Variants in LILRA2 observed in about 807,000 individuals in gnomAD.
LILRA2 encodes leukocyte immunoglobulin-like receptor subfamily A member 2.
LILRA2 carries 45 observed loss-of-function variants against 47.9 expected under a neutral mutation model. The observed-to-expected ratio is 0.94, with a 90% CI of 0.74 to 1.20. The LOEUF (loss-of-function observed/expected upper bound fraction) is 1.20, where lower values mean the gene tolerates loss of function less well. LILRA2 is among the 50% of genes most tolerant of loss of function. The pLI is 0.00. For synonymous variants in LILRA2, 279 were observed against 249.2 expected (o/e 1.12, Z -1.13); for missense variants, 651 against 598.2 (o/e 1.09, Z -0.92).
At position 54,590,058 on chromosome 19, in the gene LILRA2, A is replaced by C. The variant is rs2062900458; in HGVS notation, c.*2712A>C. The C allele has an allele frequency of 6.6e-6, 1 of 151,836 alleles. No individual in the cohort carries two copies. Among genetic ancestry groups the C allele is most frequent in the Non-Finnish European group, 1.5e-5 (1 of 67,972 alleles). 9.4% of individuals were successfully genotyped at this position (151,836 alleles called of 1,614,324 possible). A position where few individuals can be genotyped will look rare whatever the true frequency, so the allele number is the denominator to read the frequency against. ...TAATGTTATTTATGAATTTGTGCAC[A>C]TTAAACTCATGATCTTTCATTTCTG... On this transcript the variant is annotated 3_prime_UTR_variant, in exon 8 of 8. Transcript: ENST00000391738.
rs780282806 is a variant in LILRA2 at position 54,574,374 on chromosome 19, G to A, written c.144G>A (p.Arg48=). 6 of 1,614,102 alleles carry A rather than the reference G, an allele frequency of 3.7e-6. No individual in the cohort carries two copies. In the African/African-American group the frequency reaches 8.0e-5, roughly 22 times the overall value. ...TCCAGGGAAGTCCTGTGACCCTCAG[G>A]TGTCAGGGGAGCCTTCAGGCTGAGG... is the stretch of plus-strand genomic sequence containing the variant. ...VIIQGSPVTL[R]CQGSLQAEEY... The change falls in exon 3 of 8, where the codon AGG becomes AGA. Residue 48 remains arginine (R), a synonymous_variant. Transcript: ENST00000391738.
chr19:54,574,009 A>G, intron 1 of LILRA2, 67 bp from the exon 2 acceptor site: 2 of 1,613,406 alleles, frequency 1.2e-6, no homozygotes, highest in South Asian at 1.1e-5. Flanking sequence ...GCTCACAAAG[A>G]TCCCAGGGAG....
chr19:54,584,082 G>A (rs1488882307), intron 6 of LILRA2, among the ~76,000 whole-genome samples: 2 of 152,194 alleles, frequency 1.3e-5, no homozygotes, highest in Non-Finnish European at 2.9e-5. Flanking sequence ...TTTTCTTTAA[G>A]AATGTTGAAT....
At chr19:54,577,469 C>G in intron 6 of LILRA2, 1 of 1,283,388 alleles carries the variant, frequency 7.8e-7, no homozygotes, top group Non-Finnish European at 1.0e-6. Flanking sequence ...TCCAAGAGCC[C>G]CTGAGTATAA....
upstream of LILRA2, chr19:54,573,651 A>T (rs28384501): frequency 0.66 from 560,466 of 843,350 alleles, 177,488 homozygotes; most frequent in African/African-American, 0.82. Flanking sequence ...AGACCCCATT[A>T]CAGTCTGAAA....
chr19:54,575,366 T>C lies in LILRA2; in HGVS notation c.766T>C (p.Tyr256His). The part of the protein sequence containing the change: ...SDVGYDRFVL[Y>H]KEGERDFLQR... ...TGTCGGCTACGACAGATTTGTTCTGTATAAGGAGGGAGAACGTGACTTCCT... is the reference window on the plus strand; with the variant it reads ...TGTCGGCTACGACAGATTTGTTCTGCATAAGGAGGGAGAACGTGACTTCCT... Residue 256 changes from tyrosine (Y) to histidine (H), a missense_variant, in exon 5 of 8, where the codon TAT becomes CAT. Coordinates refer to ENST00000391738, the MANE Select transcript of LILRA2 (RefSeq NM_001130917.3). 1.2e-6 allele frequency: 2 copies of C among 1,614,076 alleles called. No individual in the cohort carries two copies. Among genetic ancestry groups the C allele is most frequent in the Non-Finnish European group, 8.5e-7 (1 of 1,179,982 alleles).
chr19:54,577,017 T>C (rs769827803), intron 6 of LILRA2, among the ~76,000 whole-genome samples: 10 of 151,486 alleles, frequency 6.6e-5, no homozygotes, highest in Non-Finnish European at 1.5e-4. Flanking sequence ...CAGCCCTCTC[T>C]GGCCCTCTCC....
At position 54,587,333 on chromosome 19, in the gene LILRA2, C is replaced by A. The variant is rs768613788; in HGVS notation, c.1439C>A (p.Ala480Glu). 1.6e-5 allele frequency: 26 copies of A among 1,614,052 alleles called. No homozygotes were observed. The highest frequency in any genetic ancestry group is 2.1e-5 in the Non-Finnish European group (25 of 1,180,036). ...CACAGCCAGAGAAGCCTACAAGATG[C>A]AGCCGGGAGGTGAACAGCAGAGAGG... ...AQHSQRSLQD[A>E]AGR Residue 480 changes from alanine to glutamate, a missense_variant, in exon 8 of 8, where the codon GCA (alanine) becomes GAA (glutamate). Physicochemically the swap from Ala to Glu is moderately radical, Grantham distance 107. Transcript: ENST00000391738.
At chr19:54,576,544 T>C (rs1351999408) in intron 6 of LILRA2, among the ~76,000 whole-genome samples, 1 of 152,296 alleles carries the variant, frequency 6.6e-6, no homozygotes, top group Non-Finnish European at 1.5e-5. Flanking sequence ...ATTCAGGGTC[T>C]GATTTCCAGG....
Position 54,584,819 on chromosome 19 carries a change from G to A in LILRA2, c.1256-2191G>A, listed in dbSNP as rs779845300. ...CTTCATCCAGTCTTGTTCTGTTGCC[G>A]GTGAGGAGCTGCGATCCTTTGGAAG... On this transcript the variant is annotated intron_variant, in intron 6 of 7. Coordinates refer to ENST00000391738, the MANE Select transcript of LILRA2 (RefSeq NM_001130917.3). 5.3e-5 allele frequency among the ~76,000 whole-genome samples: 8 copies of A among 152,132 alleles called. No homozygotes were observed. The East Asian group carries it at 9.6e-4, about 18-fold the overall frequency.
chr19:54,575,246 C>G lies in LILRA2; in HGVS notation c.656-10C>G, dbSNP rs747493077. 6.2e-7 allele frequency: 1 copy of G among 1,602,296 alleles called. No individual in the cohort carries two copies. The highest frequency in any genetic ancestry group is 2.2e-5 in the East Asian group (1 of 44,616). The stretch of plus-strand genomic sequence containing the variant: ...GTCGGCTCCTGGAAACCATGAACAC[C>G]TTTTCCCAGGTGTTTCTAAGAAGCC... On this transcript the variant is annotated splice_polypyrimidine_tract_variant and intron_variant, in intron 4 of 7. Transcript: ENST00000391738.
intron 6 of LILRA2, among the ~76,000 whole-genome samples, chr19:54,579,808 T>C (rs577194549): frequency 2.6e-5 from 4 of 152,312 alleles, no homozygotes; most frequent in African/African-American, 9.6e-5. Flanking sequence ...GTAGTTCTCT[T>C]TGAAGAGGTC....
Position 54,574,933 on chromosome 19 carries a change from G to A in LILRA2, c.555G>A (p.Val185=), listed in dbSNP as rs749885856. Residue 185 remains valine (V), a synonymous_variant, in exon 4 of 8, where the codon GTG becomes GTA. Transcript: ENST00000391738. ...GGGCCATCTTCTCCGTGGGCCCCGT[G>A]AGCCCGAGTCGCAGGTGGTCGTACA... ...WSWAIFSVGP[V]SPSRRWSYRC... The A allele has an allele frequency of 2.0e-5, 33 of 1,614,166 alleles. No homozygotes were observed. Among genetic ancestry groups the A allele is most frequent in the Non-Finnish European group, 2.6e-5 (31 of 1,180,050 alleles).
upstream of LILRA2, chr19:54,573,208 C>T (rs540480487): frequency 2.3e-6 from 1 of 427,886 alleles, no homozygotes; most frequent in Non-Finnish European, 4.3e-6. Context: ...TAATCTGAAG[C>T]TCCTGGCCTC....
rs150302738 is a variant in LILRA2 at position 54,574,495 on chromosome 19, T to G, written c.265T>G (p.Trp89Gly). ...CCAGTTCCCCATCCCATCCATCACCTGGGAACACGCAGGGCGGTATCACTG... is the reference window on the plus strand; with the variant it reads ...CCAGTTCCCCATCCCATCCATCACCGGGGAACACGCAGGGCGGTATCACTG... ...NGQFPIPSIT[W>G]EHAGRYHCQY... Residue 89 changes from tryptophan to glycine, a missense_variant, in exon 3 of 8, where the codon TGG becomes GGG. By Grantham distance (184) the Trp-to-Gly change is radical (BLOSUM62 -2). Coordinates refer to ENST00000391738, the MANE Select transcript of LILRA2 (RefSeq NM_001130917.3). 5.6e-6 allele frequency: 9 copies of G among 1,614,120 alleles called. No homozygotes were observed. The Admixed American group carries it at 1.5e-4, about 27-fold the overall frequency.
At chr19:54,582,723 C>A (rs1191588957) in intron 6 of LILRA2, among the ~76,000 whole-genome samples, 6 of 152,144 alleles carry the variant, frequency 3.9e-5, no homozygotes, top group African/African-American at 7.2e-5. Context: ...TTTCAAAAAA[C>A]CAGCTCCAGG....
At chr19:54,586,184 A>G (rs2062801061) in intron 6 of LILRA2, among the ~76,000 whole-genome samples, 2 of 152,178 alleles carry the variant, frequency 1.3e-5, no homozygotes, top group African/African-American at 2.4e-5. Context: ...GGTTCTATAC[A>G]TTACACATGA....
At position 54,575,995 on chromosome 19, in the gene LILRA2, C is replaced by G. The variant is rs7249054; in HGVS notation, c.1141C>G (p.Arg381Gly). 6.2e-7 allele frequency: 1 copy of G among 1,613,784 alleles called. No homozygotes were observed. Among genetic ancestry groups the G allele is most frequent in the African/African-American group, 1.3e-5 (1 of 74,808 alleles). The change falls in exon 6 of 8, where the codon CGC becomes GGC. Residue 381 changes from arginine (R) to glycine (G), a missense_variant. Transcript: ENST00000391738. ...HQAQQNQAEF[R>G]MGPVTSAHVG... is the part of the protein sequence containing the mutation. ...AGCTCAGCAGAACCAGGCTGAATTC[C>G]GCATGGGTCCTGTGACCTCAGCCCA...
At position 54,588,318 on chromosome 19, in the gene LILRA2, T is replaced by A. The variant is rs929442167; in HGVS notation, c.*972T>A. ...AACACGGCTCACCTAAAAATCAAAG[T>A]ACATGCCGGGCGCGGTGGCTCACGC... On this transcript the variant is annotated 3_prime_UTR_variant, in exon 8 of 8. Transcript: ENST00000391738. 2.0e-5 allele frequency: 3 copies of A among 152,168 alleles called. No individual in the cohort carries two copies. The highest frequency in any genetic ancestry group is 4.4e-5 in the Non-Finnish European group (3 of 68,060). 9.4% of individuals were successfully genotyped at this position (152,168 alleles called of 1,614,324 possible). A position where few individuals can be genotyped will look rare whatever the true frequency, so the allele number is the denominator to read the frequency against.
Sources: gnomAD v4.1 joint callset for allele counts (sites outside exome capture counted in the v4.1 genomes callset) on GRCh38, gnomAD v4.1.1 for gene constraint, MANE v1.5 for transcripts, NCBI Gene and HGNC (gene_info 2026-07-23, HGNC 2026-07-21) for gene names.